The following POLR2B variants were observed in gnomAD, a reference collection of about 807,000 sequenced individuals.
POLR2B encodes DNA-directed RNA polymerase II subunit RPB2.
A neutral mutation model predicts 144.6 loss-of-function variants in POLR2B; 57 were observed. The observed-to-expected ratio is 0.39, with a 90% confidence interval of 0.32 to 0.49. POLR2B has a LOEUF of 0.49. Among genes scored for constraint, POLR2B ranks in the 20% least tolerant of loss-of-function variants. The pLI is 0.83. For missense variants in POLR2B, 595 were observed against 1,467.4 expected (o/e 0.41, Z 9.71); for synonymous variants, 442 against 469.8 (o/e 0.94, Z 0.77).
Position 57,017,431 on chromosome 4 carries a change from G to A in POLR2B, c.2155-129G>A. 1.2e-6 allele frequency: 1 copy of A among 821,870 alleles called. No homozygotes were observed. Among genetic ancestry groups the A allele is most frequent in the Non-Finnish European group, 1.9e-6 (1 of 523,354 alleles). 50.9% of individuals were successfully genotyped at this position (821,870 alleles called of 1,614,324 possible). Reference sequence around the variant, plus strand: ...GAGCCGTAATTGATTATTCCAAATGGTTATTACTTACTGTTTTTGAAAAAA... The same window carrying A: ...GAGCCGTAATTGATTATTCCAAATGATTATTACTTACTGTTTTTGAAAAAA... On this transcript the variant is annotated intron_variant, in intron 15 of 24. Transcript: ENST00000314595. The surrounding 1 kb of genome is among the most constrained non-coding windows in gnomAD (Gnocchi z 4.8).
intron 14 of POLR2B, among the ~76,000 whole-genome samples, chr4:57,016,724 AAAC>A (rs201379030): frequency 0.024 from 3,582 of 150,164 alleles, 55 homozygotes; most frequent in Middle Eastern, 0.036. Context: ...AAAATCATTC[AAAC>A]AATATGTATG....
chr4:57,024,769 T>G, intron 21 of POLR2B, 117 bp from the exon 22 acceptor site: 1 of 617,572 alleles, frequency 1.6e-6, no homozygotes, highest in Non-Finnish European at 2.8e-6. Context: ...ATACTTAAAA[T>G]AATACTTTCA....
Position 57,031,022 on chromosome 4 carries a change from T to C in POLR2B, c.*34T>C. ...CAGGAGTCAACAAGATAATTAAATA[T>C]CTTGGTGTCTTGTTTCTATTGTGTG... On this transcript the variant is annotated 3_prime_UTR_variant, in exon 25 of 25. Transcript: ENST00000314595. 8.2e-7 allele frequency: 1 copy of C among 1,216,802 alleles called. No homozygotes were observed. The highest frequency in any genetic ancestry group is 1.2e-6 in the Non-Finnish European group (1 of 817,842). 75.4% of individuals were successfully genotyped at this position (1,216,802 alleles called of 1,614,324 possible). A position where few individuals can be genotyped will look rare whatever the true frequency, so the allele number is the denominator to read the frequency against.
intron 10 of POLR2B, chr4:57,009,564 G>C (rs1723125826): frequency 1.3e-5 from 2 of 152,174 alleles, no homozygotes; most frequent in Non-Finnish European, 2.9e-5. Context: ...AGGGGAAATG[G>C]GCTGGTCTAT....
At position 57,005,538 on chromosome 4, in the gene POLR2B, C is replaced by A. The variant is rs146894095; in HGVS notation, c.1098-62C>A. On this transcript the variant is annotated intron_variant, in intron 8 of 24. Coordinates refer to ENST00000314595, the MANE Select transcript of POLR2B (RefSeq NM_000938.3). ...AAAATGATGTTTTTAACATATAAAT[C>A]AAAAAAAAGTCCAAAACTAAGTGTT... 2,157 of 1,502,336 alleles carry A rather than the reference C, an allele frequency of 1.4e-3. 1 individual carries two copies. The highest frequency in any genetic ancestry group is 4.2e-3 in the African/African-American group (295 of 69,576). 93.1% of individuals were successfully genotyped at this position (1,502,336 alleles called of 1,614,324 possible).
chr4:56,987,184 T>A (rs987435355), intron 2 of POLR2B, among the ~76,000 whole-genome samples: 1 of 152,196 alleles, frequency 6.6e-6, no homozygotes, highest in African/African-American at 2.4e-5. Flanking sequence ...TCAGGAGGCA[T>A]GTTTGTTTCA....
Position 57,016,975 on chromosome 4 carries a change from T to A in POLR2B, c.1956-68T>A, listed in dbSNP as rs139541195. Reference sequence around the variant, plus strand: ...TATTTAAATATAAATATAGGAATACTTTTAAGTAGGAGGAATAGTTAGTTA... The same window carrying A: ...TATTTAAATATAAATATAGGAATACATTTAAGTAGGAGGAATAGTTAGTTA... On this transcript the variant is annotated intron_variant, in intron 14 of 24. Transcript: ENST00000314595. 1.8e-3 allele frequency: 1,232 copies of A among 694,956 alleles called. 5 individuals carry two copies. The highest frequency in any genetic ancestry group is 0.015 in the Middle Eastern group (40 of 2,688). 43.0% of individuals were successfully genotyped at this position (694,956 alleles called of 1,614,324 possible).
At chr4:57,015,824 G>A (rs553821072) in intron 14 of POLR2B, among the ~76,000 whole-genome samples, 168 bp downstream of exon 14, 22 of 151,692 alleles carry the variant, frequency 1.5e-4, no homozygotes, top group Admixed American at 1.2e-3. Context: ...GCAGTGATGC[G>A]ATCTTGGCTC....
rs1426530001 is a variant in POLR2B at position 57,017,404 on chromosome 4, A to G, written c.2155-156A>G. On this transcript the variant is annotated intron_variant, in intron 15 of 24. Transcript: ENST00000314595. The surrounding 1 kb of genome is among the most constrained non-coding windows in gnomAD (Gnocchi z 4.8). ...ATAATTGCTGTTGTGTTTCATGGTTAAGAGCCGTAATTGATTATTCCAAAT... is the reference window on the plus strand; with the variant it reads ...ATAATTGCTGTTGTGTTTCATGGTTGAGAGCCGTAATTGATTATTCCAAAT... 6.6e-6 allele frequency among the ~76,000 whole-genome samples: 1 copy of G among 152,220 alleles called. No individual in the cohort carries two copies.
intron 18 of POLR2B, 94 bp downstream of exon 18, chr4:57,022,340 C>A: frequency 1.4e-6 from 1 of 701,956 alleles, no homozygotes; most frequent in Non-Finnish European, 2.5e-6. Flanking sequence ...CCTGTGCCTG[C>A]CCCTGTCCTC....
At chr4:57,016,520 CAA>C (rs544528388) in intron 14 of POLR2B, among the ~76,000 whole-genome samples, 1 of 135,280 alleles carries the variant, frequency 7.4e-6, no homozygotes, top group Admixed American at 7.5e-5. Flanking sequence ...GACCCTGTCT[CAA>C]AAAAAAAAAG....
At position 56,983,271 on chromosome 4, in the gene POLR2B, T is replaced by C. The variant is rs188843590; in HGVS notation, c.20-3083T>C. On this transcript the variant is annotated intron_variant, in intron 1 of 24. Transcript: ENST00000314595. Reference sequence around the variant, plus strand: ...GCATTATGGGGTCTTTTGCACAATTTGTTTTTTTCTATTTGGTAGGATTCT... The same window carrying C: ...GCATTATGGGGTCTTTTGCACAATTCGTTTTTTTCTATTTGGTAGGATTCT... Among the ~76,000 whole-genome samples, 89 of 152,260 alleles carry C rather than the reference T, an allele frequency of 5.8e-4. No individual in the cohort carries two copies. The East Asian group carries it at 0.017, about 28-fold the overall frequency.
Position 57,023,198 on chromosome 4 carries a change from T to G in POLR2B, c.2516-132T>G. Reference sequence around the variant, plus strand: ...TATTAGAGTTCAGAATAGTTTGTAATATTTGGAATAAGGGTGTGATTCATG... The same window carrying G: ...TATTAGAGTTCAGAATAGTTTGTAAGATTTGGAATAAGGGTGTGATTCATG... On this transcript the variant is annotated intron_variant, in intron 18 of 24. Transcript: ENST00000314595. The surrounding 1 kb of genome is among the most constrained non-coding windows in gnomAD (Gnocchi z 4.3). The G allele has an allele frequency of 1.3e-6, 1 of 760,944 alleles. No homozygotes were observed. 47.1% of individuals were successfully genotyped at this position (760,944 alleles called of 1,614,324 possible).
chr4:56,978,918 C>T lies in POLR2B; in HGVS notation c.-68C>T, dbSNP rs999914683. On this transcript the variant is annotated 5_prime_UTR_variant, in exon 1 of 25. Transcript: ENST00000314595. Reference sequence around the variant, plus strand: ...GTTACTTCGTCTTTAGCTCCTGGCGCTGCTGGCTTCTGGGCGGTTTTTGTC... The same window carrying T: ...GTTACTTCGTCTTTAGCTCCTGGCGTTGCTGGCTTCTGGGCGGTTTTTGTC... 6.8e-7 allele frequency: 1 copy of T among 1,475,056 alleles called. No individual in the cohort carries two copies. The highest frequency in any genetic ancestry group is 1.1e-5 in the South Asian group (1 of 88,230). 91.4% of individuals were successfully genotyped at this position (1,475,056 alleles called of 1,614,324 possible).
intron 6 of POLR2B, among the ~76,000 whole-genome samples, chr4:56,999,302 C>A (rs1722784405): frequency 1.3e-5 from 2 of 148,792 alleles, no homozygotes; most frequent in Admixed American, 1.3e-4. Context: ...GGTGAGGAAT[C>A]AGTATTCATA....
chr4:57,016,010 C>G (rs894735641), intron 14 of POLR2B, among the ~76,000 whole-genome samples: 1 of 152,182 alleles, frequency 6.6e-6, no homozygotes, highest in African/African-American at 2.4e-5. Flanking sequence ...CCGCCTGCTT[C>G]AGCCTCCCAG....
intron 10 of POLR2B, among the ~76,000 whole-genome samples, chr4:57,008,603 G>A (rs1723098301): frequency 6.6e-6 from 1 of 152,222 alleles, no homozygotes; most frequent in African/African-American, 2.4e-5. Context: ...GTCTATGCTT[G>A]TAGATGTAAA....
At chr4:56,987,798 C>T (rs1479521187) in intron 2 of POLR2B, among the ~76,000 whole-genome samples, 3 of 152,040 alleles carry the variant, frequency 2.0e-5, no homozygotes, top group Admixed American at 6.6e-5. Flanking sequence ...AGGAGAATCA[C>T]CTGAAATTGG....
intron 16 of POLR2B, among the ~76,000 whole-genome samples, chr4:57,018,493 A>G (rs1434091501): frequency 6.6e-6 from 1 of 152,102 alleles, no homozygotes; most frequent in African/African-American, 2.4e-5. Flanking sequence ...TGGGTGATTA[A>G]AGAGAGGTGC....
Sources: allele counts gnomAD v4.1 joint callset (sites outside exome capture counted in the v4.1 genomes callset), GRCh38; gene constraint gnomAD v4.1.1; non-coding constraint Gnocchi (gnomAD v3.1); transcripts MANE v1.5; gene names NCBI Gene and HGNC (gene_info 2026-07-23, HGNC 2026-07-21).